STX2: variants seen among roughly 807,000 people sequenced by gnomAD.
STX2 encodes syntaxin 2.
Under a neutral mutation model 40.6 loss-of-function variants are expected in STX2, and 27 were observed. The ratio of observed to expected loss-of-function variants is 0.66; its 90% CI spans 0.49 to 0.92. The LOEUF (loss-of-function observed/expected upper bound fraction) is 0.92. STX2 is among the 40% of genes least tolerant of loss of function. The probability of loss-of-function intolerance (pLI) is 0.00; values close to 1 mark genes in which losing one functional copy is unlikely to be tolerated. For missense variants in STX2, 328 were observed against 366.1 expected (o/e 0.90, Z 0.85); for synonymous variants, 123 against 119.1 (o/e 1.03, Z -0.22).
intron 6 of STX2, among the ~76,000 whole-genome samples, chr12:130,802,810 T>C (rs751355743): frequency 7.9e-5 from 12 of 152,192 alleles, no homozygotes; most frequent in Non-Finnish European, 1.3e-4. Context: ...GCCCACCCCA[T>C]GGTGAAACCT....
At chr12:130,824,407 A>G (rs908999042) in intron 2 of STX2, among the ~76,000 whole-genome samples, 1 of 152,146 alleles carries the variant, frequency 6.6e-6, no homozygotes, top group Non-Finnish European at 1.5e-5. Context: ...AAAAATTACC[A>G]TTTCTAAAGT....
chr12:130,804,886 T>C (rs1179810772), intron 6 of STX2, among the ~76,000 whole-genome samples: 1 of 151,506 alleles, frequency 6.6e-6, no homozygotes, highest in Non-Finnish European at 1.5e-5. Context: ...TGGAAATGAA[T>C]TCTGTGGGCT....
chr12:130,831,498 T>C (rs1033529867), intron 1 of STX2, among the ~76,000 whole-genome samples: 12 of 152,156 alleles, frequency 7.9e-5, no homozygotes, highest in African/African-American at 2.9e-4. Flanking sequence ...TACCCCATTT[T>C]TGGTACAAAA....
At chr12:130,818,186 ATATATATAT>A (rs780507345) in intron 3 of STX2, among the ~76,000 whole-genome samples, 36,082 of 62,160 alleles carry the variant, frequency 0.58, 10,304 homozygotes, top group East Asian at 0.86. Context: ...AAAAAAAAAA[ATATATATAT>A]ATATATATAT....
chr12:130,821,685 T>C lies in STX2; in HGVS notation c.205+4A>G, dbSNP rs1952120375. The C allele has an allele frequency of 1.2e-6, 2 of 1,612,368 alleles. No individual in the cohort carries two copies. Among genetic ancestry groups the C allele is most frequent in the African/African-American group, 2.7e-5 (2 of 74,896 alleles). On this transcript the variant is annotated splice_donor_region_variant and intron_variant, in intron 3 of 10. Coordinates refer to ENST00000392373, the MANE Select transcript of STX2 (RefSeq NM_194356.4). ...ACGTTTTGTTGTGAAAACCAACAAC[T>C]TACTTCCTTCCGGGTTTGGTGCAGA...
At chr12:130,792,070 A>G in intron 10 of STX2, 93 bp from the exon 11 acceptor site, 1 of 803,524 alleles carries the variant, frequency 1.2e-6, no homozygotes, top group Non-Finnish European at 2.0e-6. Context: ...GGGATAGTTT[A>G]AAAAATACAT....
At chr12:130,828,796 A>T (rs1242358087) in intron 1 of STX2, among the ~76,000 whole-genome samples, 1 of 148,186 alleles carries the variant, frequency 6.7e-6, no homozygotes, top group African/African-American at 2.5e-5. Flanking sequence ...TGAACCCGGG[A>T]GGTGGAGCTT....
intron 3 of STX2, among the ~76,000 whole-genome samples, chr12:130,818,177 AAAAAAAAAATATATATATAT>A (rs1951936744): frequency 2.3e-4 from 4 of 17,392 alleles, no homozygotes; most frequent in African/African-American, 6.7e-4. Context: ...CTACAAAAAA[AAAAAAAAAATATATATATAT>A]ATATATATAT....
At chr12:130,814,915 G>A (rs143876389) in intron 3 of STX2, among the ~76,000 whole-genome samples, 1,733 of 152,194 alleles carry the variant, frequency 0.011, 41 homozygotes, top group African/African-American at 0.04. Flanking sequence ...GATTACAGGC[G>A]TGAGCCACTG....
intron 6 of STX2, among the ~76,000 whole-genome samples, chr12:130,806,486 T>C (rs986787224): frequency 6.6e-6 from 1 of 152,126 alleles, no homozygotes; most frequent in Non-Finnish European, 1.5e-5. Flanking sequence ...TCTTTCACAA[T>C]GGGGAGTCTA....
intron 2 of STX2, among the ~76,000 whole-genome samples, chr12:130,824,573 G>A (rs1052613440): frequency 2.6e-5 from 4 of 152,180 alleles, no homozygotes; most frequent in Admixed American, 1.3e-4. Context: ...GGCACTGAGA[G>A]AGAATGGTGC....
At chr12:130,796,352 G>C (rs757294759) in intron 9 of STX2, among the ~76,000 whole-genome samples, 49 of 152,096 alleles carry the variant, frequency 3.2e-4, no homozygotes, top group Non-Finnish European at 4.7e-4. Flanking sequence ...AAACCAGCCG[G>C]GCGTGGGTCT....
At chr12:130,812,393 T>TG in intron 4 of STX2, 2 of 452,910 alleles carry the variant, frequency 4.4e-6, no homozygotes, top group Non-Finnish European at 8.9e-6. Flanking sequence ...ACTGTGGAGC[T>TG]GGGGGGTCGG....
intron 5 of STX2, among the ~76,000 whole-genome samples, chr12:130,807,991 T>TC (rs766553209): frequency 5.3e-4 from 80 of 151,228 alleles, no homozygotes; most frequent in East Asian, 9.8e-4. Flanking sequence ...AGAATCCATA[T>TC]CCCCCCCACC....
At chr12:130,832,115 G>A (rs766428138) in intron 1 of STX2, among the ~76,000 whole-genome samples, 1 of 151,640 alleles carries the variant, frequency 6.6e-6, no homozygotes, top group Non-Finnish European at 1.5e-5. Flanking sequence ...CCCACGTGCT[G>A]GTATTACAGG....
intron 10 of STX2, among the ~76,000 whole-genome samples, chr12:130,792,895 G>A (rs758384443): frequency 2.0e-5 from 3 of 152,190 alleles, no homozygotes; most frequent in Non-Finnish European, 2.9e-5. Context: ...AAATTAACAA[G>A]TATCCTCACA....
chr12:130,839,034 G>T (rs1045839269), intron 1 of STX2, 36 bp downstream of exon 1: 2 of 1,306,840 alleles, frequency 1.5e-6, no homozygotes, highest in South Asian at 1.9e-5. Context: ...CGCCGCCCCG[G>T]CCGGGCCTGA....
At chr12:130,827,081 T>C (rs538583191) in intron 2 of STX2, 112 bp downstream of exon 2, 2 of 367,052 alleles carry the variant, frequency 5.4e-6, no homozygotes. Context: ...GAGGGAGGGG[T>C]GGGGAGGGGA....
At chr12:130,838,547 C>T (rs911946363) in intron 1 of STX2, among the ~76,000 whole-genome samples, 3 of 152,206 alleles carry the variant, frequency 2.0e-5, no homozygotes, top group South Asian at 2.1e-4. Flanking sequence ...ACATTTCACA[C>T]CCATCTGTTG....
Sources: gnomAD v4.1 joint callset for allele counts (sites outside exome capture counted in the v4.1 genomes callset) on GRCh38, gnomAD v4.1.1 for gene constraint, MANE v1.5 for transcripts, NCBI Gene and HGNC (gene_info 2026-07-23, HGNC 2026-07-21) for gene names.